The following HSD17B4 variants were observed in gnomAD, a reference collection of about 807,000 sequenced individuals.
The protein encoded by HSD17B4 is peroxisomal multifunctional enzyme type 2.
A neutral mutation model predicts 101.0 loss-of-function variants in HSD17B4; 70 were observed. The ratio of observed to expected loss-of-function variants is 0.69; its 90% CI spans 0.57 to 0.85. The LOEUF (loss-of-function observed/expected upper bound fraction) is 0.85. Among genes scored for constraint, HSD17B4 ranks in the 40% least tolerant of loss-of-function variants. The pLI, the probability that HSD17B4 is intolerant of heterozygous loss-of-function variation, is 0.00. For synonymous variants in HSD17B4, 347 were observed against 297.1 expected, an observed-to-expected ratio of 1.17 and a Z score of -1.73; for missense variants, 984 against 892.4, an observed-to-expected ratio of 1.10 and a Z score of -1.31.
At chr5:119,474,263 A>G in intron 3 of HSD17B4, 138 bp from the exon 4 acceptor site, 4 of 735,972 alleles carry the variant, frequency 5.4e-6, no homozygotes, top group East Asian at 2.6e-5. Flanking sequence ...TATAATTAGT[A>G]AATTATTGTA....
intron 8 of HSD17B4, among the ~76,000 whole-genome samples, chr5:119,487,810 G>A (rs1480012416): frequency 6.6e-6 from 1 of 152,126 alleles, no homozygotes; most frequent in East Asian, 1.9e-4. Context: ...TTAGAGGAAT[G>A]TTATGTATTG....
At chr5:119,471,302 T>C (rs1327283560) in intron 2 of HSD17B4, among the ~76,000 whole-genome samples, 1 of 152,202 alleles carries the variant, frequency 6.6e-6, no homozygotes, top group Non-Finnish European at 1.5e-5. Flanking sequence ...TATTATTTTG[T>C]GTCTTGTAAC....
chr5:119,500,036 G>A (rs955037700), intron 13 of HSD17B4, among the ~76,000 whole-genome samples: 1 of 152,182 alleles, frequency 6.6e-6, no homozygotes, highest in Non-Finnish European at 1.5e-5. Context: ...AGGTCATGGA[G>A]TAATTGTAAA....
chr5:119,474,063 C>G, intron 3 of HSD17B4, 48 bp downstream of exon 3: 1 of 942,506 alleles, frequency 1.1e-6, no homozygotes, highest in Non-Finnish European at 1.7e-6. Flanking sequence ...TCAACTAATG[C>G]TATTTGTCAC....
intron 2 of HSD17B4, among the ~76,000 whole-genome samples, chr5:119,466,139 G>A (rs1755786598): frequency 1.3e-5 from 2 of 152,078 alleles, no homozygotes; most frequent in Admixed American, 6.6e-5. Context: ...CATAACCATC[G>A]TTACATCTCT....
chr5:119,499,273 A>C lies in HSD17B4; in HGVS notation c.973-44A>C, dbSNP rs1170322334. ...GGTATGTAAGAAGTTAATAGTTTTG[A>C]AAAGTTATCAATGAAATAAATTACT... is the stretch of plus-strand genomic sequence containing the variant. On this transcript the variant is annotated intron_variant, in intron 12 of 23. Transcript: ENST00000510025. 2.2e-6 allele frequency: 3 copies of C among 1,369,962 alleles called. No homozygotes were observed. In the East Asian group the frequency reaches 6.9e-5, roughly 31 times the overall value. The allele number at this position is 1,369,962 out of a possible 1,614,324, so 84.9% of individuals were successfully genotyped here.
chr5:119,475,434 A>G lies in HSD17B4; in HGVS notation c.281-272A>G, dbSNP rs567205033. Among the ~76,000 whole-genome samples, 10 of 152,218 alleles carry G rather than the reference A, an allele frequency of 6.6e-5. No homozygotes were observed. In the East Asian group the frequency reaches 1.7e-3, roughly 26 times the overall value. ...TAAGAGTTGTAAAATGGCTAATTCT[A>G]TAATTAAGTGGATAGAATTTTGATA... On this transcript the variant is annotated intron_variant, in intron 4 of 23. Coordinates refer to ENST00000510025, the MANE Select transcript of HSD17B4 (RefSeq NM_000414.4).
chr5:119,482,798 G>A (rs1457542170), intron 8 of HSD17B4, among the ~76,000 whole-genome samples: 1 of 151,980 alleles, frequency 6.6e-6, no homozygotes, highest in African/African-American at 2.4e-5. Flanking sequence ...GAGTGGTAAG[G>A]TATTGGGGAG....
intron 13 of HSD17B4, among the ~76,000 whole-genome samples, chr5:119,501,013 G>A (rs1343777324): frequency 6.6e-6 from 1 of 152,034 alleles, no homozygotes; most frequent in African/African-American, 2.4e-5. Flanking sequence ...TGAGTTGATG[G>A]CCACTTATTT....
chr5:119,479,066 C>T (rs750568159), intron 8 of HSD17B4, 45 bp downstream of exon 8: 7 of 1,393,446 alleles, frequency 5.0e-6, no homozygotes, highest in Non-Finnish European at 7.1e-6. Flanking sequence ...ACTTACAAAC[C>T]TATGTGGAAT....
rs776728136 is a variant in HSD17B4 at position 119,456,371 on chromosome 5, A to G, written c.112+3A>G. 1 of 1,592,126 alleles carries G rather than the reference A, an allele frequency of 6.3e-7. No homozygotes were observed. Among genetic ancestry groups the G allele is most frequent in the Non-Finnish European group, 8.6e-7 (1 of 1,160,042 alleles). On this transcript the variant is annotated splice_donor_region_variant and intron_variant, in intron 2 of 23. Coordinates refer to ENST00000510025, the MANE Select transcript of HSD17B4 (RefSeq NM_000414.4). The stretch of plus-strand genomic sequence containing the variant: ...AGAAAGAGGAGCGTTAGTTGTTGGT[A>G]AGTTGGTGTGTTTTTCTTTTTAATC...
chr5:119,477,560 G>A, intron 7 of HSD17B4, 59 bp downstream of exon 7: 2 of 1,085,598 alleles, frequency 1.8e-6, no homozygotes, highest in Non-Finnish European at 2.9e-6. Context: ...GGGTTCTTGT[G>A]TACAGGGAAA....
intron 22 of HSD17B4, 99 bp downstream of exon 22, chr5:119,531,503 C>A: frequency 4.9e-6 from 6 of 1,231,312 alleles, no homozygotes; most frequent in Non-Finnish European, 7.0e-6. Context: ...GTAAATCTTA[C>A]CTTTTTAGGT....
Position 119,515,019 on chromosome 5 carries a change from A to G in HSD17B4, c.1476A>G (p.Val492=). The change falls in exon 17 of 24, where the codon GTA becomes GTG. Residue 492 remains valine (V), a synonymous_variant. Coordinates refer to ENST00000510025, the MANE Select transcript of HSD17B4 (RefSeq NM_000414.4). ...VAIPNRPPDA[V]LTDTTSLNQA... Reference sequence around the variant, plus strand: ...TACCTAATAGACCTCCTGATGCTGTACTTACAGATACCACCTCTCTTAATC... The same window carrying G: ...TACCTAATAGACCTCCTGATGCTGTGCTTACAGATACCACCTCTCTTAATC... 3.2e-6 allele frequency: 5 copies of G among 1,585,446 alleles called. No individual in the cohort carries two copies. Among genetic ancestry groups the G allele is most frequent in the Non-Finnish European group, 4.3e-6 (5 of 1,154,068 alleles).
At chr5:119,507,511 C>T (rs1247665088) in intron 15 of HSD17B4, among the ~76,000 whole-genome samples, 1 of 151,992 alleles carries the variant, frequency 6.6e-6, no homozygotes, top group African/African-American at 2.4e-5. Context: ...ACGCTGGGTG[C>T]GGTGGCTCAC....
chr5:119,485,404 A>G (rs1004127716), intron 8 of HSD17B4, among the ~76,000 whole-genome samples: 24 of 152,198 alleles, frequency 1.6e-4, no homozygotes, highest in African/African-American at 5.5e-4. Context: ...AATAAAGTCT[A>G]CTTTAGACAA....
rs1749192583 is a variant in HSD17B4, at chr5:119,482,086, T to A, written c.622+3065T>A. The stretch of plus-strand genomic sequence containing the variant: ...TAGAACATTCTCAGCCATCACTCCT[T>A]CAAATACTTCTGCTTATTCTCTTTT... On this transcript the variant is annotated intron_variant, in intron 8 of 23. Transcript: ENST00000510025. Among the ~76,000 whole-genome samples the A allele has an allele frequency of 2.0e-5, 3 of 152,136 alleles. No individual in the cohort carries two copies. In the South Asian group the frequency reaches 6.2e-4, roughly 32 times the overall value.
At chr5:119,452,732 C>A in intron 1 of HSD17B4, 99 bp downstream of exon 1, 1 of 1,602,238 alleles carries the variant, frequency 6.2e-7, no homozygotes, top group Non-Finnish European at 8.5e-7. Flanking sequence ...GAGGTCACCC[C>A]GCTGAGGTGG....
intron 2 of HSD17B4, among the ~76,000 whole-genome samples, chr5:119,463,590 T>G (rs1197331000): frequency 2.0e-5 from 3 of 150,972 alleles, no homozygotes; most frequent in Admixed American, 6.6e-5. Context: ...TGATTTTGAT[T>G]TGCATTTTCC....
Sources: allele counts gnomAD v4.1 joint callset (sites outside exome capture counted in the v4.1 genomes callset), GRCh38; gene constraint gnomAD v4.1.1; transcripts MANE v1.5; gene names NCBI Gene and HGNC (gene_info 2026-07-23, HGNC 2026-07-21).